The following KLF12 variants were observed in gnomAD, a reference collection of about 807,000 sequenced individuals.
KLF12 encodes KLF transcription factor 12, also known as Krueppel-like factor 12.
Under a neutral mutation model 37.8 loss-of-function variants are expected in KLF12, and 9 were observed. That is an observed-to-expected ratio of 0.24 (90% CI 0.14 to 0.42). The LOEUF is 0.42. Ranked by LOEUF, KLF12 falls within the 10% of genes least tolerant of loss-of-function variation. KLF12 has a pLI of 1.00. For missense variants in KLF12, 411 were observed against 516.0 expected, an observed-to-expected ratio of 0.80 and a Z score of 1.97; for synonymous variants, 208 against 202.1, an observed-to-expected ratio of 1.03 and a Z score of -0.25.
intron 1 of KLF12, among the ~76,000 whole-genome samples, chr13:74,032,297 G>A (rs549360542): frequency 8.6e-4 from 131 of 152,176 alleles, no homozygotes; most frequent in Non-Finnish European, 1.6e-3. Flanking sequence ...CCTTGTAGAA[G>A]GCCTTCAAAT....
chr13:73,695,512 C>T lies in KLF12; in HGVS notation c.1187G>A (p.Arg396His). ...TCCTCACACCAACATATGCCTCCGG[C>T]GGTGCAGGGCCAAATGATCTGACCG... The change falls in exon 8 of 8, where the codon CGC (arginine) becomes CAC (histidine). Residue 396 changes from arginine to histidine, a missense_variant. By Grantham distance (29) the Arg-to-His change is conservative. Transcript: ENST00000377669. 6.2e-7 allele frequency: 1 copy of T among 1,613,926 alleles called. No homozygotes were observed. The highest frequency in any genetic ancestry group is 8.5e-7 in the Non-Finnish European group (1 of 1,179,934).
chr13:74,022,459 C>T (rs1365364281), intron 1 of KLF12, among the ~76,000 whole-genome samples: 1 of 152,028 alleles, frequency 6.6e-6, no homozygotes, highest in Non-Finnish European at 1.5e-5. Flanking sequence ...GCCACAGTCT[C>T]CCACTTCTGC....
chr13:74,052,921 C>T (rs1192142801), intron 1 of KLF12, among the ~76,000 whole-genome samples: 1 of 152,156 alleles, frequency 6.6e-6, no homozygotes, highest in Non-Finnish European at 1.5e-5. Context: ...AATGAAATAT[C>T]TTGTTTTCCC....
the KLF12 span, among the ~76,000 whole-genome samples, chr13:74,281,581 CAGTT>C: frequency 6.6e-6 from 1 of 152,160 alleles, no homozygotes; most frequent in Admixed American, 6.5e-5. Context: ...TTTTAAAAAT[CAGTT>C]AGAATCTAAG....
chr13:73,768,684 A>G (rs1468705800), intron 5 of KLF12, among the ~76,000 whole-genome samples: 2 of 152,174 alleles, frequency 1.3e-5, no homozygotes, highest in African/African-American at 2.4e-5. Flanking sequence ...CAGAGCCCTT[A>G]CTATTTGCTT....
At chr13:74,305,934 C>G in the KLF12 span, among the ~76,000 whole-genome samples, 1 of 152,076 alleles carries the variant, frequency 6.6e-6, no homozygotes, top group Non-Finnish European at 1.5e-5. Flanking sequence ...AATGATCTCT[C>G]TGCTGAAATT....
chr13:74,216,278 G>A, the KLF12 span, among the ~76,000 whole-genome samples: 3 of 152,286 alleles, frequency 2.0e-5, no homozygotes, highest in South Asian at 2.1e-4. Flanking sequence ...AAACAGAAGA[G>A]AACCTAATTT....
chr13:73,971,239 A>G (rs1891328589), intron 2 of KLF12, among the ~76,000 whole-genome samples: 1 of 152,182 alleles, frequency 6.6e-6, no homozygotes, highest in African/African-American at 2.4e-5. Context: ...TTAATAAGCA[A>G]TTGCAAACAC....
the KLF12 span, among the ~76,000 whole-genome samples, chr13:74,139,502 C>T: frequency 4.6e-5 from 7 of 152,158 alleles, no homozygotes; most frequent in African/African-American, 9.7e-5. Context: ...TGCAATGTGT[C>T]GGTAAATACC....
At chr13:74,111,331 A>C (rs1202978821) in intron 1 of KLF12, among the ~76,000 whole-genome samples, 1 of 152,138 alleles carries the variant, frequency 6.6e-6, no homozygotes, top group East Asian at 1.9e-4. Flanking sequence ...CAACTTTTGA[A>C]ATATTCTTAA....
Position 73,963,284 on chromosome 13 carries a change from T to TACACACACAC in KLF12, c.34-19224_34-19215dup, listed in dbSNP as rs10543490. Among the ~76,000 whole-genome samples, 427 of 145,256 alleles carry TACACACACAC rather than the reference T, an allele frequency of 2.9e-3. 2 individuals are homozygous for TACACACACAC. Among genetic ancestry groups the TACACACACAC allele is most frequent in the African/African-American group, 0.01 (395 of 39,268 alleles). ...TCATAAAGTATAAGAGAGTCATTTA[T>TACACACACAC]ACACACACACACACACACACACACA... On this transcript the variant is annotated intron_variant, in intron 2 of 7. Transcript: ENST00000377669.
intron 7 of KLF12, among the ~76,000 whole-genome samples, chr13:73,702,029 A>C (rs8000688): frequency 0.62 from 94,435 of 151,348 alleles, 29,845 homozygotes; most frequent in East Asian, 0.74. Context: ...CACACACACA[A>C]AAAAAGGGTG....
chr13:74,164,831 C>T, the KLF12 span, among the ~76,000 whole-genome samples: 4 of 152,160 alleles, frequency 2.6e-5, no homozygotes, highest in Non-Finnish European at 5.9e-5. Context: ...CACATATTCT[C>T]ATTCATTTGT....
At chr13:73,934,071 T>C (rs969881230) in intron 3 of KLF12, among the ~76,000 whole-genome samples, 2 of 152,200 alleles carry the variant, frequency 1.3e-5, no homozygotes, top group African/African-American at 4.8e-5. Flanking sequence ...TTCTATCCTT[T>C]GATTACTCTA....
chr13:74,253,915 A>G, the KLF12 span, among the ~76,000 whole-genome samples: 13 of 152,214 alleles, frequency 8.5e-5, no homozygotes, highest in Non-Finnish European at 1.5e-4. Flanking sequence ...TACAATATGA[A>G]ACTTTTAATG....
chr13:74,294,087 G>C, the KLF12 span, among the ~76,000 whole-genome samples: 1 of 152,164 alleles, frequency 6.6e-6, no homozygotes, highest in Non-Finnish European at 1.5e-5. Flanking sequence ...CAGAATGCCG[G>C]GAGTAGGGCA....
At chr13:74,233,185 A>G in the KLF12 span, among the ~76,000 whole-genome samples, 4 of 152,040 alleles carry the variant, frequency 2.6e-5, no homozygotes, top group South Asian at 6.2e-4. Context: ...GCCTGGCCTG[A>G]TCTTATTTTA....
chr13:73,876,259 T>C (rs1263175369), intron 3 of KLF12, among the ~76,000 whole-genome samples: 2 of 152,190 alleles, frequency 1.3e-5, no homozygotes, highest in African/African-American at 2.4e-5. Context: ...TTCAGTTCCT[T>C]GTGGCTGTAG....
intron 6 of KLF12, among the ~76,000 whole-genome samples, chr13:73,752,656 G>A (rs923673484): frequency 5.9e-5 from 9 of 151,634 alleles, no homozygotes; most frequent in Admixed American, 3.9e-4. Flanking sequence ...CATTCTAGTC[G>A]TGGCTAGCAT....
Sources: gnomAD v4.1 joint callset for allele counts (sites outside exome capture counted in the v4.1 genomes callset) on GRCh38, gnomAD v4.1.1 for gene constraint, MANE v1.5 for transcripts, NCBI Gene and HGNC (gene_info 2026-07-23, HGNC 2026-07-21) for gene names.